The following ST3GAL3 variants were observed in gnomAD, a reference collection of about 807,000 sequenced individuals.
The protein encoded by ST3GAL3 is CMP-N-acetylneuraminate-beta-1,4-galactoside alpha-2,3-sialyltransferase.
A neutral mutation model predicts 50.1 loss-of-function variants in ST3GAL3; 21 were observed. That is an observed-to-expected ratio of 0.42 (90% CI 0.30 to 0.60). The LOEUF is 0.60. Among genes scored for constraint, ST3GAL3 ranks in the 20% least tolerant of loss-of-function variants. The pLI is 0.19. For missense variants in ST3GAL3, 353 were observed against 489.4 expected, an observed-to-expected ratio of 0.72 and a Z score of 2.63; for synonymous variants, 183 against 190.0, an observed-to-expected ratio of 0.96 and a Z score of 0.30.
At chr1:43,865,034 T>TG (rs2070966405) in intron 5 of ST3GAL3, among the ~76,000 whole-genome samples, 1 of 151,528 alleles carries the variant, frequency 6.6e-6, no homozygotes, top group Non-Finnish European at 1.5e-5. Context: ...TTTTTTTTTT[T>TG]GAGACAGAGT....
In ST3GAL3 at chr1:43,919,506, A is replaced by C. The variant is rs2082673440; in HGVS notation, c.745-898A>C. The C allele has an allele frequency of 3.3e-5, 5 of 152,302 alleles. No individual in the cohort carries two copies. In the South Asian group the frequency reaches 1.0e-3, roughly 32 times the overall value. The allele number at this position is 152,302 out of a possible 1,614,324, so 9.4% of individuals were successfully genotyped here. A position where few individuals can be genotyped will look rare whatever the true frequency, so the allele number is the denominator to read the frequency against. Reference sequence around the variant, plus strand: ...GGAGCCCAGCTGTAAAGGTAGAAAAAGAGGATGTATGGGTTGATCCCAAGT... The same window carrying C: ...GGAGCCCAGCTGTAAAGGTAGAAAACGAGGATGTATGGGTTGATCCCAAGT... On this transcript the variant is annotated intron_variant, in intron 9 of 11. Transcript: ENST00000347631.
At chr1:43,920,956 C>A in intron 11 of ST3GAL3, 28 bp downstream of exon 11, 1 of 1,583,892 alleles carries the variant, frequency 6.3e-7, no homozygotes, top group East Asian at 2.3e-5. Flanking sequence ...GGGGCAATCC[C>A]TGGGTGGGGA....
intron 2 of ST3GAL3, among the ~76,000 whole-genome samples, chr1:43,765,499 C>T (rs1037204344): frequency 6.6e-6 from 1 of 152,142 alleles, no homozygotes; most frequent in Non-Finnish European, 1.5e-5. Flanking sequence ...CATTTCATCA[C>T]TATTGGTGAA....
intron 9 of ST3GAL3, chr1:43,919,655 G>GT (rs1401378340): frequency 6.5e-6 from 1 of 153,520 alleles, no homozygotes; most frequent in Non-Finnish European, 1.4e-5. Context: ...GCACTGAACA[G>GT]TAAGGGCTGG....
chr1:43,859,896 A>G (rs1246204884), intron 5 of ST3GAL3, among the ~76,000 whole-genome samples: 1 of 152,070 alleles, frequency 6.6e-6, no homozygotes, highest in Non-Finnish European at 1.5e-5. Context: ...ACCCATCCTC[A>G]TGTGTACCTC....
rs529344433 is a variant in ST3GAL3, at chr1:43,878,915, G to A, written c.303-15468G>A. On this transcript the variant is annotated intron_variant, in intron 5 of 11. Coordinates refer to ENST00000347631, the MANE Select transcript of ST3GAL3 (RefSeq NM_006279.5). ...GGGGGCATGACAGTGAACAGAATGG[G>A]CAGCTCCTGTTCACATGGAGACCCT... is the stretch of plus-strand genomic sequence containing the variant. 6.2e-5 allele frequency: 26 copies of A among 416,650 alleles called. No homozygotes were observed. The East Asian group carries it at 1.9e-3, about 30-fold the overall frequency. The allele number at this position is 416,650 out of a possible 1,614,324, so 25.8% of individuals were successfully genotyped here.
At chr1:43,765,753 C>CTGTGTGTGTGTG (rs778848698) in intron 2 of ST3GAL3, among the ~76,000 whole-genome samples, 2 of 115,716 alleles carry the variant, frequency 1.7e-5, no homozygotes, top group African/African-American at 3.2e-5. Flanking sequence ...CTGTGTGTGT[C>CTGTGTGTGTGTG]TGTGTGTGTG....
At chr1:43,876,702 T>C (rs150861294) in intron 5 of ST3GAL3, among the ~76,000 whole-genome samples, 1 of 152,318 alleles carries the variant, frequency 6.6e-6, no homozygotes, top group East Asian at 1.9e-4. Flanking sequence ...CTGGTCCTCC[T>C]TCCTGGTGGT....
chr1:43,854,335 C>G (rs1322995570), intron 5 of ST3GAL3, among the ~76,000 whole-genome samples: 5 of 152,190 alleles, frequency 3.3e-5, no homozygotes, highest in Admixed American at 3.3e-4. Context: ...ACTGACAAAT[C>G]CGACAGATAG....
At chr1:43,884,408 C>T (rs935360173) in intron 5 of ST3GAL3, among the ~76,000 whole-genome samples, 9 of 152,226 alleles carry the variant, frequency 5.9e-5, no homozygotes, top group Admixed American at 1.3e-4. Context: ...CAGCAAGACA[C>T]ATATTTGACA....
At chr1:43,799,143 T>G (rs1051859411) in intron 3 of ST3GAL3, among the ~76,000 whole-genome samples, 2 of 152,230 alleles carry the variant, frequency 1.3e-5, no homozygotes, top group African/African-American at 4.8e-5. Context: ...GAAAGAGATT[T>G]CTGGGAAAAT....
chr1:43,796,342 G>A (rs1342388626), intron 3 of ST3GAL3, among the ~76,000 whole-genome samples: 1 of 152,250 alleles, frequency 6.6e-6, no homozygotes, highest in Admixed American at 6.5e-5. Flanking sequence ...AGGCAGGAAA[G>A]AGAAAGCAAA....
intron 4 of ST3GAL3, among the ~76,000 whole-genome samples, chr1:43,821,917 TG>T (rs571554695): frequency 9.2e-4 from 140 of 152,380 alleles, no homozygotes; most frequent in African/African-American, 3.3e-3. Context: ...GGCAATATTC[TG>T]TGGTCTGAGG....
chr1:43,777,312 A>C (rs1263800790), intron 2 of ST3GAL3, among the ~76,000 whole-genome samples: 1 of 152,240 alleles, frequency 6.6e-6, no homozygotes, highest in African/African-American at 2.4e-5. Context: ...TTGAGCTCAT[A>C]TAGCCAAGAC....
intron 6 of ST3GAL3, among the ~76,000 whole-genome samples, chr1:43,895,135 A>G (rs1178487547): frequency 6.6e-6 from 1 of 152,196 alleles, no homozygotes; most frequent in Non-Finnish European, 1.5e-5. Flanking sequence ...AGTACTAGGT[A>G]TAGTAGGGAC....
In ST3GAL3 at chr1:43,739,945, A is replaced by G. The variant is rs554782718; in HGVS notation, c.118+3565A>G. ...AGTGTAGAATTATTATACATGTAGT[A>G]TGATAAAATATGTACGCATACATAT... On this transcript the variant is annotated intron_variant, in intron 2 of 11. Transcript: ENST00000347631. Among the ~76,000 whole-genome samples the G allele has an allele frequency of 1.6e-4, 24 of 152,324 alleles. No homozygotes were observed. The East Asian group carries it at 4.6e-3, about 29-fold the overall frequency.
chr1:43,824,568 G>C (rs1034873801), intron 4 of ST3GAL3, among the ~76,000 whole-genome samples: 2 of 152,132 alleles, frequency 1.3e-5, no homozygotes, highest in African/African-American at 4.8e-5. Context: ...ACAAGCCAGG[G>C]CCATACTTAC....
intron 9 of ST3GAL3, among the ~76,000 whole-genome samples, chr1:43,905,667 C>T (rs532243926): frequency 4.8e-4 from 12 of 25,234 alleles, no homozygotes; most frequent in African/African-American, 8.9e-4. Context: ...CTTCTCTTCC[C>T]GCCACTGTTT....
intron 9 of ST3GAL3, chr1:43,919,911 C>T (rs1035262416): frequency 2.5e-5 from 6 of 238,290 alleles, no homozygotes; most frequent in African/African-American, 6.7e-5. Flanking sequence ...TACTTGCTCA[C>T]GCTCTGTCTC....
Sources: gnomAD v4.1 joint callset for allele counts (sites outside exome capture counted in the v4.1 genomes callset) on GRCh38, gnomAD v4.1.1 for gene constraint, MANE v1.5 for transcripts, NCBI Gene and HGNC (gene_info 2026-07-23, HGNC 2026-07-21) for gene names.